Variants in FRMD4B observed in about 807,000 individuals in gnomAD.
The protein encoded by FRMD4B is FERM domain-containing protein 4B.
A neutral mutation model predicts 141.5 loss-of-function variants in FRMD4B; 74 were observed. The observed-to-expected ratio is 0.52, with a 90% CI of 0.43 to 0.63. The LOEUF (loss-of-function observed/expected upper bound fraction) is 0.63, where lower values mean the gene tolerates loss of function less well. Among genes scored for constraint, FRMD4B ranks in the 30% least tolerant of loss-of-function variants. The pLI is 0.00. For synonymous variants in FRMD4B, 506 were observed against 467.9 expected (o/e 1.08, Z -1.05); for missense variants, 1,366 against 1,253.4 (o/e 1.09, Z -1.36).
At chr3:69,489,586 A>C (rs1706271238) in intron 1 of FRMD4B, among the ~76,000 whole-genome samples, 1 of 152,186 alleles carries the variant, frequency 6.6e-6, no homozygotes, top group South Asian at 2.1e-4. Flanking sequence ...ACAGATAATA[A>C]ATGTTGGCAA....
intron 2 of FRMD4B, among the ~76,000 whole-genome samples, chr3:69,410,808 G>A (rs536237758): frequency 6.8e-6 from 1 of 146,072 alleles, no homozygotes; most frequent in South Asian, 2.2e-4. Flanking sequence ...GCCCAGGCTG[G>A]AATCTGGAGG....
At chr3:69,182,019 A>C (rs1482315361) in intron 20 of FRMD4B, among the ~76,000 whole-genome samples, 2 of 152,090 alleles carry the variant, frequency 1.3e-5, no homozygotes, top group African/African-American at 4.8e-5. Flanking sequence ...TGGAAAAAAA[A>C]ACAAAAACAA....
At chr3:69,302,809 A>C (rs1291614990) in intron 3 of FRMD4B, among the ~76,000 whole-genome samples, 2 of 152,248 alleles carry the variant, frequency 1.3e-5, no homozygotes, top group African/African-American at 4.8e-5. Flanking sequence ...ACAGTGGCTC[A>C]TGCCTGTAAT....
intron 2 of FRMD4B, among the ~76,000 whole-genome samples, chr3:69,431,703 G>T (rs963058424): frequency 6.6e-6 from 1 of 152,178 alleles, no homozygotes; most frequent in African/African-American, 2.4e-5. Context: ...TTATGCAAGT[G>T]GTAGGTGGTA....
At chr3:69,525,370 C>T (rs1402679787) in intron 1 of FRMD4B, among the ~76,000 whole-genome samples, 1 of 152,038 alleles carries the variant, frequency 6.6e-6, no homozygotes, top group Non-Finnish European at 1.5e-5. Flanking sequence ...TCCCTCTGGA[C>T]CCAGATCCCA....
chr3:69,187,966 G>A (rs929404656), intron 18 of FRMD4B, 49 bp from the exon 19 acceptor site: 1 of 1,016,656 alleles, frequency 9.8e-7, no homozygotes, highest in South Asian at 1.5e-5. Flanking sequence ...CAAATTAATA[G>A]GTAAATAAAT....
intron 1 of FRMD4B, among the ~76,000 whole-genome samples, chr3:69,317,798 C>T (rs1385162740): frequency 2.7e-5 from 4 of 146,292 alleles, no homozygotes; most frequent in African/African-American, 7.6e-5. Flanking sequence ...AGAAATCATG[C>T]GGCCTAAGAA....
chr3:69,328,162 G>A (rs780758920), intron 1 of FRMD4B, among the ~76,000 whole-genome samples: 17 of 152,186 alleles, frequency 1.1e-4, no homozygotes, highest in Admixed American at 3.3e-4. Context: ...CCATTTTCAA[G>A]CTGGTTGTTA....
intron 21 of FRMD4B, among the ~76,000 whole-genome samples, chr3:69,179,510 T>C (rs1559686182): frequency 6.6e-6 from 1 of 152,174 alleles, no homozygotes; most frequent in South Asian, 2.1e-4. Flanking sequence ...TTAGATGTGG[T>C]AATAGATGGG....
chr3:69,194,863 T>C (rs1427153925), intron 16 of FRMD4B, among the ~76,000 whole-genome samples, 159 bp downstream of exon 16: 2 of 151,968 alleles, frequency 1.3e-5, no homozygotes, highest in African/African-American at 2.4e-5. Context: ...TTGACTGGAG[T>C]GGGCATGAAA....
intron 1 of FRMD4B, among the ~76,000 whole-genome samples, chr3:69,455,726 TCC>T (rs1460537454): frequency 6.6e-6 from 1 of 152,232 alleles, no homozygotes; most frequent in Non-Finnish European, 1.5e-5. Flanking sequence ...TTTTAATTTT[TCC>T]AAAGTTTTAA....
chr3:69,536,841 G>T, intron 1 of FRMD4B: 1 of 353,458 alleles, frequency 2.8e-6, no homozygotes, highest in Non-Finnish European at 5.2e-6. Flanking sequence ...CAACCTCCTG[G>T]GCTCAAGTGA....
At chr3:69,440,520 T>C (rs895329739) in intron 1 of FRMD4B, among the ~76,000 whole-genome samples, 2 of 152,204 alleles carry the variant, frequency 1.3e-5, no homozygotes, top group Non-Finnish European at 2.9e-5. Context: ...AATTCTTGAA[T>C]GTGGCTGGGC....
chr3:69,369,821 G>C (rs1470692283), intron 1 of FRMD4B, among the ~76,000 whole-genome samples: 3 of 152,084 alleles, frequency 2.0e-5, no homozygotes, highest in Non-Finnish European at 2.9e-5. Flanking sequence ...TTAAAAATTG[G>C]TAGTAGCCTA....
chr3:69,416,411 G>A (rs1433949518), intron 2 of FRMD4B, among the ~76,000 whole-genome samples: 1 of 152,184 alleles, frequency 6.6e-6, no homozygotes, highest in Non-Finnish European at 1.5e-5. Flanking sequence ...CTCCAAAGTA[G>A]CTGGGGCTAC....
intron 1 of FRMD4B, among the ~76,000 whole-genome samples, chr3:69,479,174 G>C (rs887532004): frequency 2.7e-5 from 4 of 150,164 alleles, no homozygotes; most frequent in African/African-American, 7.4e-5. Context: ...TGCCAGTCTG[G>C]GTCTTTTAAT....
intron 5 of FRMD4B, 73 bp from the exon 6 acceptor site, chr3:69,250,172 G>A: frequency 9.7e-7 from 1 of 1,035,646 alleles, no homozygotes; most frequent in South Asian, 1.3e-5. Flanking sequence ...CTGAAGTTGA[G>A]GAAGCTGTCA....
At chr3:69,221,105 G>A (rs1340482508) in intron 9 of FRMD4B, among the ~76,000 whole-genome samples, 1 of 152,034 alleles carries the variant, frequency 6.6e-6, no homozygotes, top group Admixed American at 6.6e-5. Context: ...TGGGATTACA[G>A]GTGGTTGCCA....
At chr3:69,314,106 T>A (rs1352987473) in intron 1 of FRMD4B, among the ~76,000 whole-genome samples, 4 of 102,356 alleles carry the variant, frequency 3.9e-5, no homozygotes. Context: ...GCCACTGCAC[T>A]CCAGCCTGGG....
Sources: gnomAD v4.1 joint callset for allele counts (sites outside exome capture counted in the v4.1 genomes callset) on GRCh38, gnomAD v4.1.1 for gene constraint, MANE v1.5 for transcripts, NCBI Gene and HGNC (gene_info 2026-07-23, HGNC 2026-07-21) for gene names.